CAMK1D: variants seen among roughly 807,000 people sequenced by gnomAD.
The protein encoded by CAMK1D is calcium/calmodulin dependent protein kinase ID.
Under a neutral mutation model 47.7 loss-of-function variants are expected in CAMK1D, and 9 were observed. That is an observed-to-expected ratio of 0.19 (90% CI 0.11 to 0.33). The LOEUF is 0.33. Ranked by LOEUF, CAMK1D falls within the 10% of genes least tolerant of loss-of-function variation. The pLI is 1.00. For missense variants in CAMK1D, 291 were observed against 488.7 expected, an observed-to-expected ratio of 0.60 and a Z score of 3.81; for synonymous variants, 184 against 184.9, an observed-to-expected ratio of 0.99 and a Z score of 0.04.
chr10:12,447,550 A>G (rs1832957250), intron 1 of CAMK1D, among the ~76,000 whole-genome samples: 1 of 152,176 alleles, frequency 6.6e-6, no homozygotes, highest in Non-Finnish European at 1.5e-5. Context: ...AAAAATTAAG[A>G]AATTAGCTGA....
intron 4 of CAMK1D, among the ~76,000 whole-genome samples, chr10:12,762,729 G>T (rs1460779990): frequency 6.6e-6 from 1 of 152,172 alleles, no homozygotes; most frequent in East Asian, 1.9e-4. Flanking sequence ...CAGGCTTCTT[G>T]ACATCTGAAA....
intron 3 of CAMK1D, among the ~76,000 whole-genome samples, chr10:12,686,594 G>A (rs1461414266): frequency 6.6e-6 from 1 of 152,078 alleles, no homozygotes; most frequent in African/African-American, 2.4e-5. Context: ...AAAGTGCTGG[G>A]ATTACAGGCA....
intron 6 of CAMK1D, among the ~76,000 whole-genome samples, chr10:12,810,151 T>TCAAAAAAAA (rs1554829102): frequency 1.2e-5 from 1 of 81,446 alleles, no homozygotes; most frequent in Non-Finnish European, 2.2e-5. Context: ...CCTGTCTCAT[T>TCAAAAAAAA]AAAAAAAAAA....
At chr10:12,722,253 G>A (rs1386927496) in intron 3 of CAMK1D, among the ~76,000 whole-genome samples, 3 of 151,804 alleles carry the variant, frequency 2.0e-5, no homozygotes, top group Non-Finnish European at 4.4e-5. Flanking sequence ...ACCATCCCGG[G>A]GATAACACAG....
chr10:12,487,635 G>T (rs1306037046), intron 1 of CAMK1D, among the ~76,000 whole-genome samples: 2 of 152,224 alleles, frequency 1.3e-5, no homozygotes, highest in East Asian at 3.8e-4. Context: ...CAATGCCACA[G>T]ATCCCAGAAG....
intron 4 of CAMK1D, among the ~76,000 whole-genome samples, chr10:12,766,417 C>T (rs950031563): frequency 5.2e-5 from 7 of 134,414 alleles, no homozygotes; most frequent in Non-Finnish European, 9.1e-5. Flanking sequence ...GGTTGGAGTG[C>T]AGTGGCGTAC....
rs1836016806 is a variant in CAMK1D at position 12,752,104 on chromosome 10, C to T, written c.300-8844C>T. Among the ~76,000 whole-genome samples, 3 of 152,222 alleles carry T rather than the reference C, an allele frequency of 2.0e-5. No individual in the cohort carries two copies. In the South Asian group the frequency reaches 6.2e-4, roughly 32 times the overall value. ...TTTCAAGCGATTCTCCCACCTCAGCCTCCCGAGTAGCTGGGATTACAGGCG... is the reference window on the plus strand; with the variant it reads ...TTTCAAGCGATTCTCCCACCTCAGCTTCCCGAGTAGCTGGGATTACAGGCG... On this transcript the variant is annotated intron_variant, in intron 3 of 10. Transcript: ENST00000619168.
intron 3 of CAMK1D, among the ~76,000 whole-genome samples, chr10:12,747,691 C>G (rs889764108): frequency 6.6e-5 from 10 of 152,112 alleles, no homozygotes; most frequent in African/African-American, 1.9e-4. Flanking sequence ...GTCCCAAGAT[C>G]TGCAGGTGGC....
intron 1 of CAMK1D, among the ~76,000 whole-genome samples, chr10:12,523,904 T>C (rs972198175): frequency 3.3e-5 from 5 of 152,138 alleles, no homozygotes; most frequent in Non-Finnish European, 5.9e-5. Flanking sequence ...TATTTATTTA[T>C]TTATTTATTT....
intron 1 of CAMK1D, among the ~76,000 whole-genome samples, chr10:12,487,398 A>C (rs1834249819): frequency 1.3e-5 from 2 of 152,216 alleles, no homozygotes; most frequent in Admixed American, 1.3e-4. Flanking sequence ...TCTAATTCAT[A>C]AAATTGAGTG....
chr10:12,707,924 G>A (rs1362804999), intron 3 of CAMK1D, among the ~76,000 whole-genome samples: 1 of 152,148 alleles, frequency 6.6e-6, no homozygotes, highest in African/African-American at 2.4e-5. Context: ...AGCACAGAGT[G>A]CAGGCCATAG....
intron 1 of CAMK1D, among the ~76,000 whole-genome samples, chr10:12,453,431 G>A (rs887181079): frequency 1.3e-5 from 2 of 151,766 alleles, no homozygotes; most frequent in South Asian, 2.1e-4. Flanking sequence ...CTCATGATCC[G>A]CCTGCCTCGG....
At chr10:12,578,108 A>G (rs1229245700) in intron 2 of CAMK1D, among the ~76,000 whole-genome samples, 1 of 152,010 alleles carries the variant, frequency 6.6e-6, no homozygotes, top group Non-Finnish European at 1.5e-5. Context: ...AGGGTCTTGC[A>G]CTATTGCCCA....
At chr10:12,769,421 G>A (rs1836930459) in intron 4 of CAMK1D, among the ~76,000 whole-genome samples, 1 of 152,180 alleles carries the variant, frequency 6.6e-6, no homozygotes, top group African/African-American at 2.4e-5. Context: ...AATATGGTGA[G>A]TTTTTTAAAG....
intron 1 of CAMK1D, among the ~76,000 whole-genome samples, chr10:12,466,756 C>T (rs866535340): frequency 2.2e-4 from 34 of 152,228 alleles, no homozygotes; most frequent in South Asian, 1.0e-3. Flanking sequence ...TAGGAAGGAT[C>T]TGTGCCTGGG....
intron 1 of CAMK1D, among the ~76,000 whole-genome samples, chr10:12,457,779 C>CAAAA (rs5783269): frequency 1.4e-3 from 102 of 70,352 alleles, no homozygotes; most frequent in Middle Eastern, 9.8e-3. Context: ...GACTCTGTCT[C>CAAAA]AAAAAAAAAA....
intron 1 of CAMK1D, among the ~76,000 whole-genome samples, chr10:12,362,789 C>CAT (rs1837713641): frequency 6.6e-6 from 1 of 152,052 alleles, no homozygotes; most frequent in African/African-American, 2.4e-5. Flanking sequence ...GGATTACAGG[C>CAT]GCCTGCCACC....
At chr10:12,658,134 T>C (rs80003495) in intron 2 of CAMK1D, among the ~76,000 whole-genome samples, 11,518 of 151,656 alleles carry the variant, frequency 0.076, 468 homozygotes, top group South Asian at 0.18. Flanking sequence ...GGTGACAGAA[T>C]GAGACTCTGT....
chr10:12,823,318 A>G (rs1564589923), intron 8 of CAMK1D, among the ~76,000 whole-genome samples: 1 of 151,542 alleles, frequency 6.6e-6, no homozygotes, highest in Non-Finnish European at 1.5e-5. Flanking sequence ...GATTCATGAA[A>G]CTCTTTCTTA....
Sources: gnomAD v4.1 joint callset for allele counts (sites outside exome capture counted in the v4.1 genomes callset) on GRCh38, gnomAD v4.1.1 for gene constraint, MANE v1.5 for transcripts, NCBI Gene and HGNC (gene_info 2026-07-23, HGNC 2026-07-21) for gene names.